The following TRIM33 variants were observed in gnomAD, a reference collection of about 807,000 sequenced individuals.
The protein encoded by TRIM33 is tripartite motif containing 33, also known as E3 ubiquitin-protein ligase TRIM33.
TRIM33 carries 20 observed loss-of-function variants against 125.4 expected under a neutral mutation model. The ratio of observed to expected loss-of-function variants is 0.16; its 90% CI spans 0.11 to 0.23. The LOEUF is 0.23. TRIM33 is among the 10% of genes least tolerant of loss of function. The pLI is 1.00. For missense variants in TRIM33, 920 were observed against 1,411.4 expected, an observed-to-expected ratio of 0.65 and a Z score of 5.58; for synonymous variants, 564 against 513.9, an observed-to-expected ratio of 1.10 and a Z score of -1.32.
chr1:114,492,225 C>T (rs1374933804), intron 1 of TRIM33, among the ~76,000 whole-genome samples: 3 of 152,116 alleles, frequency 2.0e-5, no homozygotes. Context: ...AATTCTAAAA[C>T]ACAGAATCCA....
intron 1 of TRIM33, among the ~76,000 whole-genome samples, chr1:114,482,276 GA>G (rs141719390): frequency 6.6e-6 from 1 of 151,730 alleles, no homozygotes; most frequent in Non-Finnish European, 1.5e-5. Flanking sequence ...TATTAGAAAG[GA>G]AAAAAACATC....
intron 15 of TRIM33, among the ~76,000 whole-genome samples, chr1:114,403,677 ACAGGGGCCTGCTAC>A (rs1419025793): frequency 6.6e-6 from 1 of 152,128 alleles, no homozygotes; most frequent in Non-Finnish European, 1.5e-5. Context: ...AGCTGGGATC[ACAGGGGCCTGCTAC>A]CATGCCCAGC....
At chr1:114,415,450 TC>T (rs1652876533) in intron 11 of TRIM33, among the ~76,000 whole-genome samples, 1 of 152,214 alleles carries the variant, frequency 6.6e-6, no homozygotes, top group South Asian at 2.1e-4. Context: ...CATACATAAT[TC>T]CTATCTGGAA....
chr1:114,482,689 G>A (rs1033216823), intron 1 of TRIM33, among the ~76,000 whole-genome samples: 5 of 152,122 alleles, frequency 3.3e-5, no homozygotes, highest in African/African-American at 7.2e-5. Context: ...TTGGATCACG[G>A]GGGCAGATTT....
At chr1:114,419,848 A>C (rs1653167657) in intron 11 of TRIM33, among the ~76,000 whole-genome samples, 1 of 152,220 alleles carries the variant, frequency 6.6e-6, no homozygotes, top group Admixed American at 6.5e-5. Context: ...TATATGTTTA[A>C]CATCATGTTG....
rs926408875 is a variant in TRIM33 at position 114,396,357 on chromosome 1, C to T, written c.*1291G>A. 2.9e-5 allele frequency: 6 copies of T among 203,738 alleles called. No individual in the cohort carries two copies. Among genetic ancestry groups the T allele is most frequent in the Admixed American group, 6.0e-5 (1 of 16,702 alleles). 12.6% of individuals were successfully genotyped at this position (203,738 alleles called of 1,614,324 possible). ...TTGGCTCATTTTCAGGATTTACTTA[C>T]AGGTCTCTTCTAAGTCCTTTAAGCC... On this transcript the variant is annotated 3_prime_UTR_variant, in exon 20 of 20. Coordinates refer to ENST00000358465, the MANE Select transcript of TRIM33 (RefSeq NM_015906.4).
intron 11 of TRIM33, among the ~76,000 whole-genome samples, chr1:114,414,674 G>A (rs565505536): frequency 2.5e-4 from 38 of 152,016 alleles, no homozygotes; most frequent in Non-Finnish European, 4.7e-4. Flanking sequence ...ATTATAGGTA[G>A]GGTTTTAAAA....
At chr1:114,508,048 CA>C (rs908815304) in intron 1 of TRIM33, among the ~76,000 whole-genome samples, 1 of 152,068 alleles carries the variant, frequency 6.6e-6, no homozygotes, top group Non-Finnish European at 1.5e-5. Flanking sequence ...ACCTGGGAGG[CA>C]GAGGCTGCAG....
At chr1:114,449,820 T>C (rs1649207763) in intron 4 of TRIM33, among the ~76,000 whole-genome samples, 2 of 152,210 alleles carry the variant, frequency 1.3e-5, no homozygotes, top group African/African-American at 4.8e-5. Context: ...AATGACCCAA[T>C]ATAACAAATT....
At chr1:114,462,089 C>G (rs922687300) in intron 4 of TRIM33, among the ~76,000 whole-genome samples, 1 of 152,132 alleles carries the variant, frequency 6.6e-6, no homozygotes, top group African/African-American at 2.4e-5. Flanking sequence ...TACTATGAGA[C>G]TTTGTACAGA....
intron 15 of TRIM33, among the ~76,000 whole-genome samples, chr1:114,403,703 A>G (rs1253957396): frequency 1.3e-5 from 2 of 152,036 alleles, no homozygotes; most frequent in Non-Finnish European, 2.9e-5. Flanking sequence ...ATGCCCAGCT[A>G]ATTTTTGTAA....
At position 114,510,995 on chromosome 1, in the gene TRIM33, C is replaced by T. The variant is rs1256803275; in HGVS notation, c.82G>A (p.Gly28Arg). The T allele has an allele frequency of 6.0e-6, 8 of 1,329,252 alleles. No individual in the cohort carries two copies. The highest frequency in any genetic ancestry group is 3.8e-5 in the South Asian group (2 of 52,322). 82.3% of individuals were successfully genotyped at this position (1,329,252 alleles called of 1,614,324 possible). ...GGCTCCGCCTCCTGCGCGGCGGGCC[C>T]GGCGGCCCCGGCAGTTACCGGCGCG... ...GSAPVTAGAA[G>R]PAAQEAEPPL... is the part of the protein sequence containing the mutation. Residue 28 changes from glycine to arginine, a missense_variant, in exon 1 of 20, where the codon GGG (glycine) becomes AGG (arginine). Gly to Arg is a moderately radical substitution (Grantham distance 125). Around this residue, in one of 8 missense-constraint regions of TRIM33, gnomAD observed 233 missense variants for 189.6 expected, o/e 1.23. Transcript: ENST00000358465.
chr1:114,464,161 G>GA (rs1553216720), intron 2 of TRIM33, 109 bp downstream of exon 2: 22 of 540,770 alleles, frequency 4.1e-5, no homozygotes, highest in Non-Finnish European at 7.2e-5. Context: ...TTTGAAACAG[G>GA]AATCCATAGC....
chr1:114,425,364 A>C, intron 9 of TRIM33, 85 bp downstream of exon 9: 3 of 1,521,788 alleles, frequency 2.0e-6, no homozygotes, highest in Non-Finnish European at 2.7e-6. Flanking sequence ...AGTAACTTTG[A>C]AATGTGTAAC....
chr1:114,486,106 T>C (rs1294280499), intron 1 of TRIM33, among the ~76,000 whole-genome samples: 1 of 151,644 alleles, frequency 6.6e-6, no homozygotes, highest in Non-Finnish European at 1.5e-5. Flanking sequence ...GAAACCCCCA[T>C]CTCTACTAAA....
intron 18 of TRIM33, 97 bp downstream of exon 18, chr1:114,399,360 A>T: frequency 7.8e-7 from 1 of 1,285,352 alleles, no homozygotes. Flanking sequence ...TTAGCAGAAA[A>T]AAAAATTTTA....
chr1:114,404,452 C>A (rs939499451), intron 15 of TRIM33: 1 of 152,070 alleles, frequency 6.6e-6, no homozygotes, highest in Non-Finnish European at 1.5e-5. Flanking sequence ...GGCTAATTTA[C>A]GCCAACATTT....
At chr1:114,508,466 A>G (rs546315862) in intron 1 of TRIM33, among the ~76,000 whole-genome samples, 1 of 152,328 alleles carries the variant, frequency 6.6e-6, no homozygotes, top group African/African-American at 2.4e-5. Flanking sequence ...GACCACCAGC[A>G]GTTATTCTCT....
intron 14 of TRIM33, 71 bp from the exon 15 acceptor site, chr1:114,405,830 A>G: frequency 7.6e-7 from 1 of 1,308,316 alleles, no homozygotes; most frequent in Non-Finnish European, 1.1e-6. Flanking sequence ...TGTATTTAAC[A>G]GTTATGTGAA....
Sources: allele counts gnomAD v4.1 joint callset (sites outside exome capture counted in the v4.1 genomes callset), GRCh38; gene constraint gnomAD v4.1.1; regional missense constraint gnomAD v4.1.1; transcripts MANE v1.5; gene names NCBI Gene and HGNC (gene_info 2026-07-23, HGNC 2026-07-21).